The following CRLF3 variants were observed in gnomAD, a reference collection of about 807,000 sequenced individuals.
CRLF3 encodes cytokine receptor like factor 3.
Under a neutral mutation model 55.0 loss-of-function variants are expected in CRLF3, and 33 were observed. The observed-to-expected ratio is 0.60, with a 90% CI of 0.46 to 0.80. The LOEUF (loss-of-function observed/expected upper bound fraction) is 0.80, where lower values mean the gene tolerates loss of function less well. Among genes scored for constraint, CRLF3 ranks in the 30% least tolerant of loss-of-function variants. The pLI, the probability that CRLF3 is intolerant of heterozygous loss-of-function variation, is 0.00. For synonymous variants in CRLF3, 238 were observed against 196.8 expected (o/e 1.21, Z -1.75); for missense variants, 494 against 538.4 (o/e 0.92, Z 0.82).
At chr17:30,802,581 C>T (rs1407870083) in intron 2 of CRLF3, among the ~76,000 whole-genome samples, 1 of 152,032 alleles carries the variant, frequency 6.6e-6, no homozygotes, top group South Asian at 2.1e-4. Flanking sequence ...CAGGTGCATG[C>T]CACCATGCCC....
rs527256643 is a variant in CRLF3, at chr17:30,804,103, T to G, written c.135A>C (p.Lys45Asn). Reference sequence around the variant, plus strand: ...CATCCCTTGTCTGTGATGCACTTTCTTTGATCTAAAAAGAAATAACAAAAT... The same window carrying G: ...CATCCCTTGTCTGTGATGCACTTTCGTTGATCTAAAAAGAAATAACAAAAT... ...EGLREARRQIKESASQTRDVL... is the reference protein window; with the variant it reads ...EGLREARRQINESASQTRDVL... Residue 45 changes from lysine to asparagine, a missense_variant, in exon 2 of 8, where the codon AAA (lysine) becomes AAC (asparagine). By Grantham distance (94) the Lys-to-Asn change is moderately conservative. Transcript: ENST00000324238. 6.2e-7 allele frequency: 1 copy of G among 1,608,620 alleles called. No homozygotes were observed. Among genetic ancestry groups the G allele is most frequent in the African/African-American group, 1.3e-5 (1 of 74,722 alleles).
chr17:30,785,488 C>T (rs1971621266), intron 7 of CRLF3, among the ~76,000 whole-genome samples: 2 of 150,806 alleles, frequency 1.3e-5, no homozygotes, highest in African/African-American at 4.9e-5. Flanking sequence ...TCATTAAGAC[C>T]AAAACTTTCA....
At chr17:30,800,718 C>T (rs1343511973) in intron 2 of CRLF3, among the ~76,000 whole-genome samples, 1 of 151,448 alleles carries the variant, frequency 6.6e-6, no homozygotes, top group Non-Finnish European at 1.5e-5. Flanking sequence ...CAAGCTCTCC[C>T]ACCTCAGCCT....
At chr17:30,797,683 G>A (rs1334646167) in intron 2 of CRLF3, among the ~76,000 whole-genome samples, 1 of 151,950 alleles carries the variant, frequency 6.6e-6, no homozygotes, top group Non-Finnish European at 1.5e-5. Flanking sequence ...AAAGCCCAGG[G>A]ACTTCTTTCC....
intron 3 of CRLF3, 27 bp from the exon 4 acceptor site, chr17:30,796,364 G>GA: frequency 6.4e-7 from 1 of 1,571,308 alleles, no homozygotes; most frequent in Non-Finnish European, 8.7e-7. Flanking sequence ...CATGTGTTAT[G>GA]AGACCTCTAA....
chr17:30,816,168 G>C (rs564685337), intron 1 of CRLF3, among the ~76,000 whole-genome samples: 1 of 151,272 alleles, frequency 6.6e-6, no homozygotes, highest in African/African-American at 2.4e-5. Context: ...TGTAGTCCCA[G>C]CTACTCGGGA....
intron 6 of CRLF3, among the ~76,000 whole-genome samples, chr17:30,791,959 G>C (rs971278431): frequency 1.3e-5 from 2 of 152,060 alleles, no homozygotes; most frequent in Admixed American, 1.3e-4. Context: ...CAATTCTCCT[G>C]CCTCAGCCTC....
rs886263453 is a variant in CRLF3, at chr17:30,803,894, C to G, written c.337+7G>C. On this transcript the variant is annotated splice_region_variant and intron_variant, in intron 2 of 7. Transcript: ENST00000324238. ...GCACTAATACAACAGGCTCCCTGGT[C>G]CCCCACCTTCTCGGACTAAGTCCTC... 1.2e-6 allele frequency: 2 copies of G among 1,603,476 alleles called. No homozygotes were observed. The highest frequency in any genetic ancestry group is 1.7e-5 in the Admixed American group (1 of 59,954).
intron 1 of CRLF3, among the ~76,000 whole-genome samples, chr17:30,817,591 T>C (rs898750178): frequency 2.6e-5 from 4 of 152,074 alleles, no homozygotes; most frequent in Non-Finnish European, 5.9e-5. Context: ...TGCAGAATAA[T>C]ATGTATAGAA....
chr17:30,818,469 T>C (rs1904879069), intron 1 of CRLF3, among the ~76,000 whole-genome samples: 1 of 150,892 alleles, frequency 6.6e-6, no homozygotes, highest in Admixed American at 6.6e-5. Flanking sequence ...TTTTTTTTTT[T>C]TTTGAGACAG....
chr17:30,801,064 GTGCTCAGCA>G, intron 2 of CRLF3: 1 of 152,108 alleles, frequency 6.6e-6, no homozygotes. Flanking sequence ...GTGAGCCACT[GTGCTCAGCA>G]CGCCTAGCTA....
At chr17:30,813,217 A>G (rs1432853727) in intron 1 of CRLF3, among the ~76,000 whole-genome samples, 1 of 152,192 alleles carries the variant, frequency 6.6e-6, no homozygotes, top group Admixed American at 6.5e-5. Context: ...GACCAAGACA[A>G]TCGAAAAAAG....
intron 1 of CRLF3, among the ~76,000 whole-genome samples, chr17:30,810,312 C>CA (rs1269155604): frequency 6.6e-6 from 1 of 152,126 alleles, no homozygotes; most frequent in African/African-American, 2.4e-5. Flanking sequence ...GTAATCCCAG[C>CA]ACTTTGGGAG....
chr17:30,785,874 A>G, intron 7 of CRLF3, 45 bp downstream of exon 7: 1 of 1,015,426 alleles, frequency 9.8e-7, no homozygotes, highest in Non-Finnish European at 1.5e-6. Context: ...TATTACTAAA[A>G]TAATTAATAT....
At position 30,824,520 on chromosome 17, in the gene CRLF3, G is replaced by C. The variant is rs1597937730; in HGVS notation, c.129+3C>G. 6.3e-7 allele frequency: 1 copy of C among 1,586,374 alleles called. No individual in the cohort carries two copies. The highest frequency in any genetic ancestry group is 1.4e-5 in the African/African-American group (1 of 74,068). On this transcript the variant is annotated splice_donor_region_variant and intron_variant, in intron 1 of 7. Coordinates refer to ENST00000324238, the MANE Select transcript of CRLF3 (RefSeq NM_015986.4). ...AGCGCCCCTGTGGGTGTGGCCCTCC[G>C]ACCTGCCTCCGCGCCTCACGCAGCC...
rs748274493 is a variant in CRLF3 at position 30,796,340 on chromosome 17, G to A, written c.426-3C>T. The A allele has an allele frequency of 6.2e-7, 1 of 1,611,354 alleles. No individual in the cohort carries two copies. The highest frequency in any genetic ancestry group is 1.1e-5 in the South Asian group (1 of 90,626). ...CCAGTAAAGGTACTTCTGGTAAGCT[G>A]AGGAAACAAAGCTCATGTGTTATGA... On this transcript the variant is annotated splice_region_variant and splice_polypyrimidine_tract_variant and intron_variant, in intron 3 of 7. Coordinates refer to ENST00000324238, the MANE Select transcript of CRLF3 (RefSeq NM_015986.4).
rs370068645 is a variant in CRLF3 at position 30,824,169 on chromosome 17, G to A, written c.129+354C>T. On this transcript the variant is annotated intron_variant, in intron 1 of 7. Coordinates refer to ENST00000324238, the MANE Select transcript of CRLF3 (RefSeq NM_015986.4). Reference sequence around the variant, plus strand: ...AATGCCTCCCCGCCTACCCACCGCAGGTTTTTTACCAGTCTCCTCCTCCCC... The same window carrying A: ...AATGCCTCCCCGCCTACCCACCGCAAGTTTTTTACCAGTCTCCTCCTCCCC... 1.4e-4 allele frequency among the ~76,000 whole-genome samples: 22 copies of A among 151,798 alleles called. 1 individual carries two copies. In the East Asian group the frequency reaches 2.3e-3, roughly 16 times the overall value.
At chr17:30,791,659 A>AGAC (rs2142248962) in intron 6 of CRLF3, among the ~76,000 whole-genome samples, 1 of 150,644 alleles carries the variant, frequency 6.6e-6, no homozygotes, top group Non-Finnish European at 1.5e-5. Flanking sequence ...CTGGGACCAC[A>AGAC]GACACCCACC....
intron 4 of CRLF3, 27 bp from the exon 5 acceptor site, chr17:30,793,699 A>G (rs1390151424): frequency 4.6e-6 from 7 of 1,519,904 alleles, no homozygotes; most frequent in African/African-American, 4.1e-5. Context: ...TATGTTAGGT[A>G]AAAAACAGAA....
Sources: gnomAD v4.1 joint callset for allele counts (sites outside exome capture counted in the v4.1 genomes callset) on GRCh38, gnomAD v4.1.1 for gene constraint, MANE v1.5 for transcripts, NCBI Gene and HGNC (gene_info 2026-07-23, HGNC 2026-07-21) for gene names.